The following MDGA2 variants were observed in gnomAD, a reference collection of about 807,000 sequenced individuals.
MDGA2 encodes MAM domain-containing glycosylphosphatidylinositol anchor protein 2.
A neutral mutation model predicts 117.8 loss-of-function variants in MDGA2; 40 were observed. The ratio of observed to expected loss-of-function variants is 0.34; its 90% CI spans 0.26 to 0.44. The LOEUF (loss-of-function observed/expected upper bound fraction) is 0.44, where lower values mean the gene tolerates loss of function less well. Among genes scored for constraint, MDGA2 ranks in the 20% least tolerant of loss-of-function variants. The pLI is 1.00. For missense variants in MDGA2, 1,123 were observed against 1,250.6 expected (o/e 0.90, Z 1.54); for synonymous variants, 452 against 439.0 (o/e 1.03, Z -0.37).
At chr14:47,510,728 T>A (rs1429009311) in intron 1 of MDGA2, among the ~76,000 whole-genome samples, 2 of 152,214 alleles carry the variant, frequency 1.3e-5, no homozygotes, top group African/African-American at 4.8e-5. Flanking sequence ...AAACTGCTTG[T>A]GGTTGTCAAT....
chr14:47,520,444 T>C (rs140411192), intron 1 of MDGA2, among the ~76,000 whole-genome samples: 1 of 152,178 alleles, frequency 6.6e-6, no homozygotes, highest in South Asian at 2.1e-4. Flanking sequence ...GAGGCTGATG[T>C]CAATGATAAG....
At chr14:47,323,149 GATATATATATATATATATATATATAT>G (rs58765297) in intron 1 of MDGA2, among the ~76,000 whole-genome samples, 48,456 of 108,096 alleles carry the variant, frequency 0.45, 10,221 homozygotes, top group Admixed American at 0.62. Flanking sequence ...AAGAGTCATG[GATATATATATATATATATATATATAT>G]ATATATATAT....
intron 1 of MDGA2, among the ~76,000 whole-genome samples, chr14:47,325,992 T>C (rs568497592): frequency 3.3e-5 from 5 of 152,240 alleles, no homozygotes; most frequent in South Asian, 2.1e-4. Flanking sequence ...TGAGATTCCA[T>C]GCAAAGGGGT....
intron 1 of MDGA2, among the ~76,000 whole-genome samples, chr14:47,515,689 A>G (rs759199198): frequency 2.6e-5 from 4 of 152,150 alleles, no homozygotes; most frequent in Non-Finnish European, 5.9e-5. Context: ...GTCTAGAAAC[A>G]TAAGTTATCA....
chr14:47,019,752 G>A (rs1888218601), intron 8 of MDGA2, among the ~76,000 whole-genome samples: 1 of 151,362 alleles, frequency 6.6e-6, no homozygotes, highest in Admixed American at 6.6e-5. Flanking sequence ...GCTGAGGCAG[G>A]AGAATGACGT....
intron 15 of MDGA2, 97 bp downstream of exon 15, chr14:46,854,927 G>A (rs1480627631): frequency 1.8e-6 from 2 of 1,137,512 alleles, no homozygotes; most frequent in Non-Finnish European, 2.4e-6. Context: ...TTATATCGTG[G>A]AATTTCTGAA....
chr14:47,185,483 T>C (rs1344323340), intron 3 of MDGA2, among the ~76,000 whole-genome samples: 1 of 151,520 alleles, frequency 6.6e-6, no homozygotes, highest in Admixed American at 6.6e-5. Context: ...GTGATGGCAA[T>C]ATATATACTA....
At chr14:47,082,332 G>GA (rs11285576) in intron 6 of MDGA2, among the ~76,000 whole-genome samples, 11,222 of 144,472 alleles carry the variant, frequency 0.078, 562 homozygotes, top group Admixed American at 0.13. Context: ...TCCAGGGAAG[G>GA]AAAAAAAAAA....
At chr14:47,636,052 C>T (rs751302375) in intron 1 of MDGA2, among the ~76,000 whole-genome samples, 8 of 152,012 alleles carry the variant, frequency 5.3e-5, no homozygotes, top group African/African-American at 1.7e-4. Flanking sequence ...CAGGATAAAT[C>T]GGAAATTTTT....
rs148911288 is a variant in MDGA2, at chr14:46,972,760, A to G, written c.1820-15117T>C. On this transcript the variant is annotated intron_variant, in intron 8 of 16. Coordinates refer to ENST00000399232, the MANE Select transcript of MDGA2 (RefSeq NM_001113498.3). ...CACCAATGGCATAATTATTGAAAGA[A>G]GTAACTTTTAAGCGGGACTCTATTG... Among the ~76,000 whole-genome samples the G allele has an allele frequency of 4.3e-3, 649 of 152,260 alleles. 5 individuals are homozygous for G. The highest frequency in any genetic ancestry group is 0.015 in the African/African-American group (618 of 41,568).
intron 10 of MDGA2, among the ~76,000 whole-genome samples, chr14:46,916,669 C>T (rs554170684): frequency 5.3e-5 from 8 of 152,108 alleles, no homozygotes; most frequent in South Asian, 2.1e-4. Flanking sequence ...CGTGTGTCTA[C>T]GTGCTCCTTC....
chr14:47,626,201 T>C (rs1414965504), intron 1 of MDGA2: 1 of 151,672 alleles, frequency 6.6e-6, no homozygotes, highest in African/African-American at 2.4e-5. Context: ...AGATAGGTTT[T>C]TGTTTTGATT....
At chr14:47,512,127 C>T (rs1246441831) in intron 1 of MDGA2, among the ~76,000 whole-genome samples, 1 of 152,138 alleles carries the variant, frequency 6.6e-6, no homozygotes, top group Admixed American at 6.5e-5. Flanking sequence ...GCCCATTGAA[C>T]ACCATGCATA....
intron 9 of MDGA2, among the ~76,000 whole-genome samples, chr14:46,938,820 A>G (rs1050720579): frequency 3.3e-5 from 5 of 152,174 alleles, no homozygotes; most frequent in Admixed American, 6.5e-5. Flanking sequence ...TCGCATATTT[A>G]TTGTAGTACT....
chr14:47,113,509 C>G (rs1165590364), intron 5 of MDGA2, among the ~76,000 whole-genome samples: 1 of 152,110 alleles, frequency 6.6e-6, no homozygotes, highest in Non-Finnish European at 1.5e-5. Context: ...TGCGAATATC[C>G]TCAATAAAAT....
At chr14:47,509,421 G>A (rs1339229578) in intron 1 of MDGA2, among the ~76,000 whole-genome samples, 1 of 152,140 alleles carries the variant, frequency 6.6e-6, no homozygotes, top group Non-Finnish European at 1.5e-5. Flanking sequence ...GGGAAGTGTG[G>A]GGAGCTCTTT....
intron 2 of MDGA2, among the ~76,000 whole-genome samples, chr14:47,225,042 A>G (rs894768142): frequency 6.6e-5 from 10 of 152,228 alleles, no homozygotes; most frequent in Non-Finnish European, 1.2e-4. Flanking sequence ...TAAAAAAAGA[A>G]CCACAATTTT....
At chr14:47,317,168 C>T (rs1316825091) in intron 1 of MDGA2, among the ~76,000 whole-genome samples, 5 of 152,030 alleles carry the variant, frequency 3.3e-5, no homozygotes, top group Admixed American at 3.3e-4. Context: ...CAATGAAATA[C>T]AAATATTTCT....
In MDGA2 at chr14:47,484,365, C is replaced by T. The variant is rs1894015047; in HGVS notation, c.281-182815G>A. On this transcript the variant is annotated intron_variant, in intron 1 of 16. Coordinates refer to ENST00000399232, the MANE Select transcript of MDGA2 (RefSeq NM_001113498.3). ...ACAAGGTTGCAAAATAAAGTCAAGTCCATCCAATAGAGCAGCCCTTGATGA... is the reference window on the plus strand; with the variant it reads ...ACAAGGTTGCAAAATAAAGTCAAGTTCATCCAATAGAGCAGCCCTTGATGA... 2.0e-5 allele frequency among the ~76,000 whole-genome samples: 3 copies of T among 152,002 alleles called. No homozygotes were observed. In the South Asian group the frequency reaches 6.2e-4, roughly 32 times the overall value.
Sources: gnomAD v4.1 joint callset for allele counts (sites outside exome capture counted in the v4.1 genomes callset) on GRCh38, gnomAD v4.1.1 for gene constraint, MANE v1.5 for transcripts, NCBI Gene and HGNC (gene_info 2026-07-23, HGNC 2026-07-21) for gene names.